MS4A14: variants seen among roughly 807,000 people sequenced by gnomAD.
The protein encoded by MS4A14 is membrane spanning 4-domains A14.
MS4A14 carries 18 observed loss-of-function variants against 16.7 expected under a neutral mutation model. The observed-to-expected ratio is 1.08, with a 90% CI of 0.75 to 1.60. The LOEUF (loss-of-function observed/expected upper bound fraction) is 1.60, where lower values mean the gene tolerates loss of function less well. Among genes scored for constraint, MS4A14 ranks in the 40% most tolerant of loss-of-function variants. The pLI, the probability that MS4A14 is intolerant of heterozygous loss-of-function variation, is 0.00. For synonymous variants in MS4A14, 305 were observed against 289.4 expected (o/e 1.05, Z -0.55); for missense variants, 812 against 775.3 (o/e 1.05, Z -0.56).
rs556200111 is a variant in MS4A14 at position 60,415,974 on chromosome 11, C to A, written c.1006C>A (p.Pro336Thr). Residue 336 changes from proline (P) to threonine (T), a missense_variant, in exon 5 of 5, where the codon CCA (proline) becomes ACA (threonine). By Grantham distance (38) the Pro-to-Thr change is conservative. Transcript: ENST00000300187. The part of the protein sequence containing the change: ...PVEGLSEQTM[P>T]SKSTSSHVKQ... ...AGAAGGCCTGTCAGAACAAACCATG[C>A]CATCTAAGTCTACATCATCCCATGT... 3.1e-6 allele frequency: 5 copies of A among 1,613,898 alleles called. No homozygotes were observed. In the South Asian group the frequency reaches 5.5e-5, roughly 18 times the overall value.
chr11:60,399,672 A>G (rs1287366855), intron 2 of MS4A14, among the ~76,000 whole-genome samples: 2 of 152,160 alleles, frequency 1.3e-5, no homozygotes, highest in African/African-American at 4.8e-5. Context: ...AGTTTCCCGA[A>G]CTAGCTTGGT....
Position 60,416,931 on chromosome 11 carries a change from C to A in MS4A14, c.1963C>A (p.Gln655Lys). Reference protein sequence around the residue: ...ESQIQQYQFWQFHKGNLQAGQ... With the variant: ...ESQIQQYQFWKFHKGNLQAGQ... ...CCAAATACAGCAATACCAATTCTGG[C>A]AATTCCACAAAGGCAATCTCCAGGC... is the stretch of plus-strand genomic sequence containing the variant. Residue 655 changes from glutamine to lysine, a missense_variant, in exon 5 of 5, where the codon CAA becomes AAA. Gln to Lys is a moderately conservative substitution (Grantham distance 53). Coordinates refer to ENST00000300187, the MANE Select transcript of MS4A14 (RefSeq NM_032597.5). 6.2e-7 allele frequency: 1 copy of A among 1,613,704 alleles called. No individual in the cohort carries two copies. The highest frequency in any genetic ancestry group is 8.5e-7 in the Non-Finnish European group (1 of 1,179,734).
chr11:60,404,773 C>A (rs1178644251), intron 4 of MS4A14: 1 of 335,866 alleles, frequency 3.0e-6, no homozygotes, highest in Non-Finnish European at 5.9e-6. Flanking sequence ...CTGCATAGAT[C>A]CCCCATTAGA....
chr11:60,407,849 C>A (rs2085810201), intron 4 of MS4A14, among the ~76,000 whole-genome samples: 1 of 151,766 alleles, frequency 6.6e-6, no homozygotes, highest in Non-Finnish European at 1.5e-5. Flanking sequence ...CTGTGACTTG[C>A]CTTTTCATTT....
rs1342576969 is a variant in MS4A14 at position 60,406,997 on chromosome 11, T to A, written c.468+3936T>A. ...GTATGGGTACACCACAATTTGTTTA[T>A]CAATTTACCTTTTTTTTTTTTTTTT... On this transcript the variant is annotated intron_variant, in intron 4 of 4. Coordinates refer to ENST00000300187, the MANE Select transcript of MS4A14 (RefSeq NM_032597.5). Among the ~76,000 whole-genome samples, 3 of 149,912 alleles carry A rather than the reference T, an allele frequency of 2.0e-5. No homozygotes were observed. The East Asian group carries it at 5.9e-4, about 29-fold the overall frequency.
intron 4 of MS4A14, chr11:60,404,716 C>A: frequency 2.5e-6 from 1 of 407,836 alleles, no homozygotes; most frequent in South Asian, 1.8e-5. Flanking sequence ...AACTGAAATA[C>A]CACTTCTTTA....
In MS4A14 at chr11:60,396,522, G is replaced by A; in HGVS notation, c.-57G>A. ...TGACTCTGGTGGAGAGGTAGATCAT[G>A]ATTTGGGCGGCAATGTTTGCTCACT... On this transcript the variant is annotated 5_prime_UTR_variant, in exon 1 of 5. It removes an upstream start codon present in the reference 5' UTR. Coordinates refer to ENST00000300187, the MANE Select transcript of MS4A14 (RefSeq NM_032597.5). 1 of 1,586,294 alleles carries A rather than the reference G, an allele frequency of 6.3e-7. No homozygotes were observed. Among genetic ancestry groups the A allele is most frequent in the Non-Finnish European group, 8.6e-7 (1 of 1,166,264 alleles).
intron 3 of MS4A14, 144 bp from the exon 4 acceptor site, chr11:60,402,768 T>G (rs940632402): frequency 4.1e-5 from 32 of 787,292 alleles, no homozygotes; most frequent in Middle Eastern, 6.4e-4. Context: ...TTTAGTTTAT[T>G]AAGCCTTCCA....
rs543319491 is a variant in MS4A14, at chr11:60,410,503, T to A, written c.469-4934T>A. The stretch of plus-strand genomic sequence containing the variant: ...TGTTTTCTGTGCCTTTCTTGTCACA[T>A]CCATGAAATTATTGCCAAATTGTCA... On this transcript the variant is annotated intron_variant, in intron 4 of 4. Coordinates refer to ENST00000300187, the MANE Select transcript of MS4A14 (RefSeq NM_032597.5). Among the ~76,000 whole-genome samples, 3 of 152,322 alleles carry A rather than the reference T, an allele frequency of 2.0e-5. No homozygotes were observed. The East Asian group carries it at 5.8e-4, about 29-fold the overall frequency.
In MS4A14 at chr11:60,415,417, C is replaced by A. The variant is rs751580549; in HGVS notation, c.469-20C>A. The A allele has an allele frequency of 1.9e-6, 3 of 1,569,914 alleles. No individual in the cohort carries two copies. The highest frequency in any genetic ancestry group is 2.6e-6 in the Non-Finnish European group (3 of 1,163,028). On this transcript the variant is annotated intron_variant, in intron 4 of 4. Coordinates refer to ENST00000300187, the MANE Select transcript of MS4A14 (RefSeq NM_032597.5). ...GACATGATTCTGTCATATTAATTAC[C>A]CTCATCCTTGCTTTTATAGGTTCTG...
At chr11:60,399,742 T>G (rs1018476848) in intron 2 of MS4A14, among the ~76,000 whole-genome samples, 1 of 152,096 alleles carries the variant, frequency 6.6e-6, no homozygotes, top group South Asian at 2.1e-4. Flanking sequence ...GTGACAGGAC[T>G]TGGCAATCCA....
rs772419657 is a variant in MS4A14, at chr11:60,397,913, A to G, written c.200A>G (p.Tyr67Cys). 6.2e-7 allele frequency: 1 copy of G among 1,613,492 alleles called. No homozygotes were observed. Among genetic ancestry groups the G allele is most frequent in the East Asian group, 2.2e-5 (1 of 44,850 alleles). ...TTTGGAACTATATTTGCACTTAATT[A>G]CATCGGTTTCTCCCAAAGACTTCCC... is the stretch of plus-strand genomic sequence containing the variant. ...VGFGTIFALN[Y>C]IGFSQRLPLV... The change falls in exon 2 of 5, where the codon TAC (tyrosine) becomes TGC (cysteine). Residue 67 changes from tyrosine (Y) to cysteine (C), a missense_variant. Transcript: ENST00000300187.
chr11:60,407,901 C>A (rs533565963), intron 4 of MS4A14, among the ~76,000 whole-genome samples: 1 of 151,822 alleles, frequency 6.6e-6, no homozygotes, highest in Non-Finnish European at 1.5e-5. Context: ...GATGAAGTTC[C>A]ATTTATCATT....
At chr11:60,409,310 G>T (rs1057488237) in intron 4 of MS4A14, among the ~76,000 whole-genome samples, 1 of 151,698 alleles carries the variant, frequency 6.6e-6, no homozygotes, top group Middle Eastern at 3.2e-3. Flanking sequence ...ATCCTTCCCG[G>T]TCCTCCCATC....
intron 4 of MS4A14, chr11:60,403,281 T>C (rs1022326622): frequency 2.3e-5 from 12 of 523,350 alleles, no homozygotes; most frequent in Non-Finnish European, 4.1e-5. Context: ...GGCCTAATAT[T>C]GTATTCTCTC....
intron 4 of MS4A14, among the ~76,000 whole-genome samples, chr11:60,406,973 T>C (rs1332863055): frequency 2.0e-5 from 3 of 151,810 alleles, no homozygotes; most frequent in Non-Finnish European, 2.9e-5. Flanking sequence ...TCCCTTTATG[T>C]ATGGGTACAC....
At chr11:60,413,091 A>AT (rs2085890911) in intron 4 of MS4A14, among the ~76,000 whole-genome samples, 1 of 151,354 alleles carries the variant, frequency 6.6e-6, no homozygotes, top group East Asian at 1.9e-4. Flanking sequence ...TAATTATTTC[A>AT]TTTTTTCTTG....
chr11:60,409,209 T>G (rs545090349), intron 4 of MS4A14, among the ~76,000 whole-genome samples: 1 of 152,204 alleles, frequency 6.6e-6, no homozygotes, highest in African/African-American at 2.4e-5. Flanking sequence ...TAATTTGCTA[T>G]AGTCATGCTA....
chr11:60,416,338 A>G lies in MS4A14; in HGVS notation c.1370A>G (p.Tyr457Cys), dbSNP rs985899015. 2.5e-6 allele frequency: 4 copies of G among 1,613,942 alleles called. No homozygotes were observed. The highest frequency in any genetic ancestry group is 3.4e-6 in the Non-Finnish European group (4 of 1,179,982). The stretch of plus-strand genomic sequence containing the variant: ...AACCAGCAAATTTTACAAATGTCAT[A>G]TCAAGATATTAGATCAGAAGTTATG... Reference protein sequence around the residue: ...PQNQQILQMSYQDIRSEVMEE... With the variant: ...PQNQQILQMSCQDIRSEVMEE... Residue 457 changes from tyrosine to cysteine, a missense_variant, in exon 5 of 5, where the codon TAT (tyrosine) becomes TGT (cysteine). Coordinates refer to ENST00000300187, the MANE Select transcript of MS4A14 (RefSeq NM_032597.5).
Sources: allele counts gnomAD v4.1 joint callset (sites outside exome capture counted in the v4.1 genomes callset), GRCh38; gene constraint gnomAD v4.1.1; transcripts MANE v1.5; gene names NCBI Gene and HGNC (gene_info 2026-07-23, HGNC 2026-07-21).